The following MTR variants were observed in gnomAD, a reference collection of about 807,000 sequenced individuals.
MTR encodes the protein 5-methyltetrahydrofolate-homocysteine methyltransferase.
MTR carries 84 observed loss-of-function variants against 154.8 expected under a neutral mutation model. The observed-to-expected ratio is 0.54, with a 90% CI of 0.45 to 0.65. The LOEUF (loss-of-function observed/expected upper bound fraction) is 0.65. Ranked by LOEUF, MTR falls within the 30% of genes least tolerant of loss-of-function variation. The probability of loss-of-function intolerance (pLI) is 0.00; values close to 1 mark genes in which losing one functional copy is unlikely to be tolerated. For missense variants in MTR, 1,275 were observed against 1,570.2 expected (o/e 0.81, Z 3.18); for synonymous variants, 554 against 553.9 (o/e 1.00, Z 0.00).
intron 15 of MTR, among the ~76,000 whole-genome samples, chr1:236,846,251 C>T (rs984239882): frequency 1.3e-5 from 2 of 152,146 alleles, no homozygotes; most frequent in Admixed American, 6.5e-5. Context: ...AGTATACTGA[C>T]TCTAGATTTA....
rs573025196 is a variant in MTR at position 236,817,836 on chromosome 1, C to T, written c.764+1293C>T. On this transcript the variant is annotated intron_variant, in intron 8 of 32. Coordinates refer to ENST00000366577, the MANE Select transcript of MTR (RefSeq NM_000254.3). ...TTAATAGACATTTGATTGGGCCTGACGACTAAGAAAATCATTGTCTTGAAC... is the reference window on the plus strand; with the variant it reads ...TTAATAGACATTTGATTGGGCCTGATGACTAAGAAAATCATTGTCTTGAAC... Among the ~76,000 whole-genome samples, 7 of 152,244 alleles carry T rather than the reference C, an allele frequency of 4.6e-5. No individual in the cohort carries two copies. In the East Asian group the frequency reaches 1.4e-3, roughly 29 times the overall value.
chr1:236,796,596 AC>A (rs1660402086), intron 1 of MTR, among the ~76,000 whole-genome samples: 1 of 151,572 alleles, frequency 6.6e-6, no homozygotes, highest in South Asian at 2.1e-4. Context: ...TCAGAGGTTA[AC>A]CGGTGACTCT....
At chr1:236,797,984 A>G (rs1437802908) in intron 1 of MTR, among the ~76,000 whole-genome samples, 1 of 151,658 alleles carries the variant, frequency 6.6e-6, no homozygotes, top group South Asian at 2.1e-4. Context: ...AAAACAAAAC[A>G]AAACCAAAAA....
rs953011787 is a variant in MTR at position 236,898,108 on chromosome 1, A to G, written c.*464A>G. 1 of 190,962 alleles carries G rather than the reference A, an allele frequency of 5.2e-6. No homozygotes were observed. 11.8% of individuals were successfully genotyped at this position (190,962 alleles called of 1,614,324 possible). A position where few individuals can be genotyped will look rare whatever the true frequency, so the allele number is the denominator to read the frequency against. The stretch of plus-strand genomic sequence containing the variant: ...ATGGGGCATTTTAATCTAAGTGGTT[A>G]TAACAGTGGATTCTGACGGGGAAGG... On this transcript the variant is annotated 3_prime_UTR_variant, in exon 33 of 33. Coordinates refer to ENST00000366577, the MANE Select transcript of MTR (RefSeq NM_000254.3).
rs553504558 is a variant in MTR, at chr1:236,903,852, A to G, written c.*6208A>G. The G allele has an allele frequency of 6.6e-6, 1 of 152,322 alleles. No homozygotes were observed. The highest frequency in any genetic ancestry group is 2.4e-5 in the African/African-American group (1 of 41,572). The allele number at this position is 152,322 out of a possible 1,614,324, so 9.4% of individuals were successfully genotyped here. ...AGAATTTCAATGCTTACCTTTAATC[A>G]TGTGACATTGTTTATCTTGGATTAA... On this transcript the variant is annotated 3_prime_UTR_variant, in exon 33 of 33. Coordinates refer to ENST00000366577, the MANE Select transcript of MTR (RefSeq NM_000254.3).
intron 15 of MTR, 43 bp from the exon 16 acceptor site, chr1:236,850,301 T>G (rs1456118410): frequency 3.6e-6 from 5 of 1,384,180 alleles, no homozygotes; most frequent in Non-Finnish European, 9.9e-7. Flanking sequence ...TTTTAATAGA[T>G]AATTTTTCTA....
At chr1:236,893,825 T>TG (rs758022276) in intron 29 of MTR, among the ~76,000 whole-genome samples, 2 of 152,086 alleles carry the variant, frequency 1.3e-5, no homozygotes, top group Non-Finnish European at 2.9e-5. Flanking sequence ...CTCAGCCGGC[T>TG]CCTGTATGAC....
chr1:236,897,310 G>GCGCGCGCGCACGCGCGCGCGCGCA, intron 32 of MTR, among the ~76,000 whole-genome samples, 192 bp downstream of exon 32: 1 of 128,614 alleles, frequency 7.8e-6, no homozygotes, highest in African/African-American at 2.8e-5. Flanking sequence ...CCACACACAC[G>GCGCGCGCGCACGCGCGCGCGCGCA]CACACACACA....
At chr1:236,828,760 T>A (rs1662442345) in intron 11 of MTR, among the ~76,000 whole-genome samples, 1 of 152,072 alleles carries the variant, frequency 6.6e-6, no homozygotes, top group South Asian at 2.1e-4. Flanking sequence ...TTGTGCCTGC[T>A]CCTTCTTGCC....
rs1225886410 is a variant in MTR at position 236,813,176 on chromosome 1, TC to T, written c.609+334del. Among the ~76,000 whole-genome samples, 8 of 152,280 alleles carry T rather than the reference TC, an allele frequency of 5.3e-5. No individual in the cohort carries two copies. In the East Asian group the frequency reaches 9.6e-4, roughly 18 times the overall value. ...TATGGAGTGAAAAGTGAATATCCTTTCCTTTCCTAGTCTCTAGTTATCCAGC... is the reference window on the plus strand; with the variant it reads ...TATGGAGTGAAAAGTGAATATCCTTTCTTTCCTAGTCTCTAGTTATCCAGC... On this transcript the variant is annotated intron_variant, in intron 6 of 32. Transcript: ENST00000366577.
chr1:236,894,651 C>A (rs1666521986), intron 30 of MTR, 94 bp downstream of exon 30: 3 of 1,250,806 alleles, frequency 2.4e-6, no homozygotes, highest in East Asian at 2.4e-5. Flanking sequence ...GCCCTTAGAA[C>A]CAGTGTCTTT....
chr1:236,855,625 T>G (rs992910407), intron 18 of MTR, among the ~76,000 whole-genome samples: 2 of 152,210 alleles, frequency 1.3e-5, no homozygotes, highest in African/African-American at 4.8e-5. Context: ...TGGCTTTCTC[T>G]GCAGCAGTTT....
chr1:236,823,794 A>ATTTTTTT (rs1324332853), intron 8 of MTR, among the ~76,000 whole-genome samples: 2 of 23,380 alleles, frequency 8.6e-5, no homozygotes, highest in African/African-American at 1.7e-4. Flanking sequence ...TTCAGGTCAG[A>ATTTTTTT]TCTTTTTTTT....
In MTR at chr1:236,899,898, C is replaced by T. The variant is rs996419454; in HGVS notation, c.*2254C>T. On this transcript the variant is annotated 3_prime_UTR_variant, in exon 33 of 33. Coordinates refer to ENST00000366577, the MANE Select transcript of MTR (RefSeq NM_000254.3). Reference sequence around the variant, plus strand: ...ACCACAATGAGATTCCATTTTATATCCATAAGATTTGCAAAGGTTGGGTCT... The same window carrying T: ...ACCACAATGAGATTCCATTTTATATTCATAAGATTTGCAAAGGTTGGGTCT... 2 of 155,742 alleles carry T rather than the reference C, an allele frequency of 1.3e-5. No individual in the cohort carries two copies. Among genetic ancestry groups the T allele is most frequent in the African/African-American group, 4.8e-5 (2 of 41,542 alleles). 9.6% of individuals were successfully genotyped at this position (155,742 alleles called of 1,614,324 possible).
At chr1:236,872,437 A>C (rs1283171587) in intron 22 of MTR, among the ~76,000 whole-genome samples, 1 of 152,152 alleles carries the variant, frequency 6.6e-6, no homozygotes, top group African/African-American at 2.4e-5. Context: ...CTTCGTGTGC[A>C]GGACCTGACC....
intron 3 of MTR, among the ~76,000 whole-genome samples, chr1:236,807,714 ACTC>A (rs1431643265): frequency 2.0e-5 from 3 of 152,022 alleles, no homozygotes; most frequent in Non-Finnish European, 4.4e-5. Context: ...CAGACACATT[ACTC>A]TGTTTTCAGG....
At position 236,850,325 on chromosome 1, in the gene MTR, C is replaced by CT. The variant is rs771970460; in HGVS notation, c.1516-15dup. On this transcript the variant is annotated intron_variant, in intron 15 of 32. Transcript: ENST00000366577. ...ATAATTTTTCTATTTCAAACTACAT[C>CT]TTTTGCTCTTTTCCCTAGGCAACAG... 5 of 1,600,674 alleles carry CT rather than the reference C, an allele frequency of 3.1e-6. No individual in the cohort carries two copies. In the African/African-American group the frequency reaches 6.7e-5, roughly 21 times the overall value.
intron 29 of MTR, 142 bp downstream of exon 29, chr1:236,891,471 G>T: frequency 4.6e-6 from 4 of 863,358 alleles, no homozygotes; most frequent in Non-Finnish European, 7.4e-6. Context: ...CCAGTCACAC[G>T]CCCAAGCCCA....
chr1:236,818,879 A>G (rs888919396), intron 8 of MTR, among the ~76,000 whole-genome samples: 7 of 152,250 alleles, frequency 4.6e-5, no homozygotes, highest in African/African-American at 1.7e-4. Context: ...AATATAAAAT[A>G]CACAGTGCTA....
Sources: gnomAD v4.1 joint callset for allele counts (sites outside exome capture counted in the v4.1 genomes callset) on GRCh38, gnomAD v4.1.1 for gene constraint, MANE v1.5 for transcripts, NCBI Gene and HGNC (gene_info 2026-07-23, HGNC 2026-07-21) for gene names.